Variants in SOX5 observed in about 807,000 individuals in gnomAD.
SOX5 encodes the protein SRY-box transcription factor 5.
In SOX5, 9 loss-of-function variants were observed where a neutral mutation model predicts 92.0. The ratio of observed to expected loss-of-function variants is 0.10; its 90% CI spans 0.06 to 0.17. SOX5 has a LOEUF of 0.17. Ranked by LOEUF, SOX5 falls within the 10% of genes least tolerant of loss-of-function variation. The pLI is 1.00. For synonymous variants in SOX5, 344 were observed against 336.3 expected, an observed-to-expected ratio of 1.02 and a Z score of -0.25; for missense variants, 642 against 944.5, an observed-to-expected ratio of 0.68 and a Z score of 4.20.
chr12:24,010,658 G>T (rs570931570), intron 4 of SOX5, among the ~76,000 whole-genome samples: 1 of 152,276 alleles, frequency 6.6e-6, no homozygotes, highest in Admixed American at 6.5e-5. Flanking sequence ...TTCTAGGCCG[G>T]GTGCTGTGGC....
chr12:23,700,658 T>C (rs1316158644), intron 6 of SOX5, among the ~76,000 whole-genome samples: 6 of 151,836 alleles, frequency 4.0e-5, no homozygotes, highest in Admixed American at 3.9e-4. Flanking sequence ...GCAGAGAGGG[T>C]AGGAATAATG....
At chr12:23,823,960 T>A (rs1326506314) in intron 3 of SOX5, among the ~76,000 whole-genome samples, 1 of 152,250 alleles carries the variant, frequency 6.6e-6, no homozygotes, top group Non-Finnish European at 1.5e-5. Context: ...GTTTTTCAGC[T>A]CCATCACGTC....
chr12:23,843,799 G>A (rs2096545456), intron 3 of SOX5, among the ~76,000 whole-genome samples: 2 of 151,862 alleles, frequency 1.3e-5, no homozygotes, highest in Admixed American at 1.3e-4. Flanking sequence ...CCTGAACTCA[G>A]GTGATCCACC....
Position 23,529,642 on chromosome 12 carries a change from G to C in SOX5, c.*4577C>G, listed in dbSNP as rs1190431747. The C allele has an allele frequency of 6.6e-6, 1 of 151,776 alleles. No individual in the cohort carries two copies. Among genetic ancestry groups the C allele is most frequent in the Non-Finnish European group, 1.5e-5 (1 of 67,928 alleles). The allele number at this position is 151,776 out of a possible 1,614,324, so 9.4% of individuals were successfully genotyped here. The stretch of plus-strand genomic sequence containing the variant: ...GTGGCAACCCACATCTTTTTTTTAA[G>C]AGCACATAAACTCCTGTTTTATTTT... On this transcript the variant is annotated 3_prime_UTR_variant, in exon 15 of 15. Coordinates refer to ENST00000451604, the MANE Select transcript of SOX5 (RefSeq NM_006940.6).
chr12:24,047,084 A>T (rs1957115053), intron 4 of SOX5, among the ~76,000 whole-genome samples: 1 of 152,026 alleles, frequency 6.6e-6, no homozygotes, highest in Non-Finnish European at 1.5e-5. Context: ...TACGAATAAC[A>T]CTTTCTTGGT....
chr12:24,166,473 GAAA>G lies in SOX5; in HGVS notation c.-2+46867_-2+46869del, dbSNP rs1953420447. ...TCTCAGGAAATATAGAGCAATACAA[GAAA>G]CAGTGAGAGAGAGCGAGCATTAAAA... On this transcript the variant is annotated intron_variant, in intron 4 of 4. Transcript: ENST00000446891. Among the ~76,000 whole-genome samples the G allele has an allele frequency of 2.6e-5, 4 of 152,276 alleles. No homozygotes were observed. In the South Asian group the frequency reaches 8.3e-4, roughly 32 times the overall value.
At chr12:24,329,897 C>T (rs1951103163) in intron 2 of SOX5, among the ~76,000 whole-genome samples, 1 of 152,124 alleles carries the variant, frequency 6.6e-6, no homozygotes, top group South Asian at 2.1e-4. Context: ...GTAGAACATG[C>T]CTGTAATCCC....
chr12:23,957,475 T>C (rs567890403), intron 4 of SOX5, among the ~76,000 whole-genome samples: 2 of 152,332 alleles, frequency 1.3e-5, no homozygotes, highest in South Asian at 4.1e-4. Flanking sequence ...GTGATGGAAC[T>C]GTGATTGGCG....
At chr12:23,639,810 C>T (rs1360981230) in intron 8 of SOX5, among the ~76,000 whole-genome samples, 1 of 152,230 alleles carries the variant, frequency 6.6e-6, no homozygotes, top group Non-Finnish European at 1.5e-5. Context: ...AACCCATGTG[C>T]AGGCCAGATG....
At chr12:24,410,085 C>T (rs1001639349) in intron 1 of SOX5, among the ~76,000 whole-genome samples, 6 of 151,970 alleles carry the variant, frequency 3.9e-5, no homozygotes, top group African/African-American at 1.5e-4. Flanking sequence ...GCAGCCTCGA[C>T]CTCCTAGACT....
At chr12:23,559,995 C>T (rs757931949) in intron 11 of SOX5, among the ~76,000 whole-genome samples, 59 of 152,238 alleles carry the variant, frequency 3.9e-4, no homozygotes, top group Non-Finnish European at 6.5e-4. Flanking sequence ...ACTGCAACCT[C>T]CGCCTCCAGG....
At chr12:23,625,415 G>T (rs1439710141) in intron 8 of SOX5, among the ~76,000 whole-genome samples, 1 of 152,124 alleles carries the variant, frequency 6.6e-6, no homozygotes, top group Non-Finnish European at 1.5e-5. Context: ...ATGAAATATG[G>T]ATGAAAACAT....
intron 1 of SOX5, among the ~76,000 whole-genome samples, chr12:24,524,989 G>T (rs1291170441): frequency 1.3e-5 from 2 of 152,080 alleles, no homozygotes; most frequent in African/African-American, 4.8e-5. Context: ...AAGTACAGAG[G>T]CTCCTCAAAA....
chr12:24,491,190 T>C (rs1455218483), intron 1 of SOX5, among the ~76,000 whole-genome samples: 2 of 152,132 alleles, frequency 1.3e-5, no homozygotes, highest in Admixed American at 6.5e-5. Flanking sequence ...GATGACTTTG[T>C]ATGGTGGGTT....
intron 2 of SOX5, among the ~76,000 whole-genome samples, chr12:23,848,662 T>C (rs2096599888): frequency 6.6e-6 from 1 of 152,220 alleles, no homozygotes. Context: ...GCATTTGTCA[T>C]ACATGAAGTA....
chr12:24,200,472 T>C (rs937945974), intron 4 of SOX5, among the ~76,000 whole-genome samples: 2 of 152,110 alleles, frequency 1.3e-5, no homozygotes, highest in Non-Finnish European at 2.9e-5. Context: ...GGAACTCTGA[T>C]TGTAATAGTA....
At chr12:24,152,780 CT>C (rs1018924745) in intron 4 of SOX5, among the ~76,000 whole-genome samples, 1 of 151,632 alleles carries the variant, frequency 6.6e-6, no homozygotes, top group Non-Finnish European at 1.5e-5. Context: ...TTTGATAAGA[CT>C]TTGTTATAAA....
intron 1 of SOX5, among the ~76,000 whole-genome samples, chr12:24,373,749 T>G (rs1048374074): frequency 6.6e-6 from 1 of 152,244 alleles, no homozygotes; most frequent in South Asian, 2.1e-4. Flanking sequence ...TGAAATTATT[T>G]ACTTTTTGAA....
intron 4 of SOX5, among the ~76,000 whole-genome samples, chr12:23,981,684 C>T (rs1435802865): frequency 2.0e-5 from 3 of 151,888 alleles, no homozygotes; most frequent in Non-Finnish European, 2.9e-5. Flanking sequence ...ATGACATTTG[C>T]CTATTTTTTG....
Sources: gnomAD v4.1 joint callset for allele counts (sites outside exome capture counted in the v4.1 genomes callset) on GRCh38, gnomAD v4.1.1 for gene constraint, MANE v1.5 for transcripts, NCBI Gene and HGNC (gene_info 2026-07-23, HGNC 2026-07-21) for gene names.